The following CBL variants were observed in gnomAD, a reference collection of about 807,000 sequenced individuals.
CBL encodes the protein Cbl proto-oncogene, also known as E3 ubiquitin-protein ligase CBL.
In CBL, 45 loss-of-function variants were observed where a neutral mutation model predicts 96.9. That is an observed-to-expected ratio of 0.46 (90% CI 0.37 to 0.60). The LOEUF (loss-of-function observed/expected upper bound fraction) is 0.60, where lower values mean the gene tolerates loss of function less well. CBL is among the 20% of genes least tolerant of loss of function. The pLI, the probability that CBL is intolerant of heterozygous loss-of-function variation, is 0.00. For missense variants in CBL, 1,024 were observed against 1,143.5 expected, an observed-to-expected ratio of 0.90 and a Z score of 1.51; for synonymous variants, 420 against 426.8, an observed-to-expected ratio of 0.98 and a Z score of 0.20.
intron 12 of CBL, among the ~76,000 whole-genome samples, chr11:119,288,776 C>T (rs958343540): frequency 6.6e-6 from 1 of 152,064 alleles, no homozygotes; most frequent in African/African-American, 2.4e-5. Flanking sequence ...TTGAGCCAAA[C>T]TTGGTTGCAG....
chr11:119,246,356 T>A (rs1372101137), intron 2 of CBL, among the ~76,000 whole-genome samples: 1 of 152,124 alleles, frequency 6.6e-6, no homozygotes, highest in East Asian at 1.9e-4. Context: ...AGTGTGATAT[T>A]TTGGTTGAAG....
intron 2 of CBL, among the ~76,000 whole-genome samples, chr11:119,245,328 C>T (rs540568260): frequency 9.2e-5 from 14 of 151,896 alleles, no homozygotes; most frequent in Non-Finnish European, 1.8e-4. Flanking sequence ...TGGGTCATAT[C>T]GATCAACATT....
At chr11:119,233,850 C>A (rs987894944) in intron 2 of CBL, among the ~76,000 whole-genome samples, 4 of 152,162 alleles carry the variant, frequency 2.6e-5, no homozygotes, top group African/African-American at 9.7e-5. Flanking sequence ...GTCTACCTTT[C>A]CTTTGGGCCT....
intron 9 of CBL, among the ~76,000 whole-genome samples, chr11:119,283,031 G>T (rs1265656286): frequency 3.9e-5 from 6 of 152,182 alleles, no homozygotes; most frequent in Non-Finnish European, 7.3e-5. Flanking sequence ...GGAGGTCAAG[G>T]CTGCAGTGCA....
intron 2 of CBL, among the ~76,000 whole-genome samples, chr11:119,268,719 G>T (rs1219131145): frequency 6.6e-6 from 1 of 152,140 alleles, no homozygotes. Context: ...AAGACGATGG[G>T]GGAGAAAAGC....
intron 1 of CBL, among the ~76,000 whole-genome samples, chr11:119,214,692 C>T (rs988023764): frequency 2.6e-5 from 4 of 152,090 alleles, no homozygotes; most frequent in African/African-American, 9.7e-5. Context: ...CTTTTGTATA[C>T]TTTTCCAGTT....
intron 2 of CBL, among the ~76,000 whole-genome samples, chr11:119,257,569 ATTTT>A (rs1949721101): frequency 6.6e-6 from 1 of 151,708 alleles, no homozygotes; most frequent in African/African-American, 2.4e-5. Context: ...GGTTCCATTT[ATTTT>A]TGTTTTTGTT....
chr11:119,227,125 AT>A (rs1237850160), intron 1 of CBL, among the ~76,000 whole-genome samples: 2 of 147,692 alleles, frequency 1.4e-5, no homozygotes, highest in Non-Finnish European at 2.9e-5. Context: ...CCATATAACC[AT>A]TCTGCCATTC....
Position 119,298,476 on chromosome 11 carries a change from C to G in CBL, c.2370C>G (p.Leu790=). 1 of 1,614,198 alleles carries G rather than the reference C, an allele frequency of 6.2e-7. No individual in the cohort carries two copies. The highest frequency in any genetic ancestry group is 8.5e-7 in the Non-Finnish European group (1 of 1,180,042). Residue 790 remains leucine, a synonymous_variant, in exon 15 of 16, where the codon CTC becomes CTG. Transcript: ENST00000264033. ...CGGCCGTGCTGGCCCGCCGAACTCT[C>G]TCAGATATCTCTAATGCCAGCTCCT... ...PVPAVLARRT[L]SDISNASSSF...
At chr11:119,283,408 C>G (rs1949953104) in intron 9 of CBL, among the ~76,000 whole-genome samples, 1 of 151,644 alleles carries the variant, frequency 6.6e-6, no homozygotes. Context: ...GTCAGTGTTG[C>G]TTTGCTGTTG....
At chr11:119,271,519 A>G (rs1170410556) in intron 2 of CBL, among the ~76,000 whole-genome samples, 2 of 152,230 alleles carry the variant, frequency 1.3e-5, no homozygotes, top group Non-Finnish European at 2.9e-5. Context: ...AAAGAACAAG[A>G]TCACTGAATA....
intron 2 of CBL, among the ~76,000 whole-genome samples, chr11:119,257,822 C>T (rs916457712): frequency 6.6e-6 from 1 of 152,122 alleles, no homozygotes; most frequent in African/African-American, 2.4e-5. Context: ...TTCCCTAATT[C>T]ATGTTTTTGT....
At chr11:119,289,732 T>TA (rs1263113119) in intron 12 of CBL, 2 of 152,144 alleles carry the variant, frequency 1.3e-5, no homozygotes, top group Non-Finnish European at 2.9e-5. Flanking sequence ...ACTCTTGACT[T>TA]ACTAGAGTTT....
At chr11:119,277,236 G>C (rs1949895903) in intron 6 of CBL, among the ~76,000 whole-genome samples, 2 of 58,776 alleles carry the variant, frequency 3.4e-5, no homozygotes. Flanking sequence ...ATAAGAATCT[G>C]TCGCGCACAC....
At chr11:119,237,085 A>G (rs1461204205) in intron 2 of CBL, among the ~76,000 whole-genome samples, 4 of 152,214 alleles carry the variant, frequency 2.6e-5, no homozygotes, top group Non-Finnish European at 5.9e-5. Context: ...TGCTGTATAC[A>G]CTAGCACCTA....
intron 1 of CBL, among the ~76,000 whole-genome samples, chr11:119,229,744 C>CT (rs1277482877): frequency 1.5e-4 from 19 of 127,298 alleles, no homozygotes; most frequent in Non-Finnish European, 3.1e-4. Flanking sequence ...TTTTTTTTTT[C>CT]TTGAGACCAG....
At chr11:119,254,244 T>C (rs544084851) in intron 2 of CBL, among the ~76,000 whole-genome samples, 1 of 152,218 alleles carries the variant, frequency 6.6e-6, no homozygotes, top group Non-Finnish European at 1.5e-5. Context: ...TAGTAAATTT[T>C]GGTAAGTATA....
intron 2 of CBL, among the ~76,000 whole-genome samples, chr11:119,257,753 TTCTTC>T (rs1364403269): frequency 7.2e-6 from 1 of 138,614 alleles, no homozygotes; most frequent in Non-Finnish European, 1.5e-5. Context: ...TTCATTTTCA[TTCTTC>T]TACATGTGGC....
At chr11:119,271,922 A>G in intron 3 of CBL, 41 bp downstream of exon 3, 1 of 1,594,030 alleles carries the variant, frequency 6.3e-7, no homozygotes, top group Non-Finnish European at 8.6e-7. Flanking sequence ...GAAAAACTAA[A>G]GCTTACGAGT....
Sources: allele counts gnomAD v4.1 joint callset (sites outside exome capture counted in the v4.1 genomes callset), GRCh38; gene constraint gnomAD v4.1.1; transcripts MANE v1.5; gene names NCBI Gene and HGNC (gene_info 2026-07-23, HGNC 2026-07-21).